Variants in POU2AF3 observed in about 807,000 individuals in gnomAD.
POU2AF3 encodes POU class 2 homeobox associating factor 3, also known as cancer susceptibility candidate 13.
the POU2AF3 span, chr11:111,299,489 A>G: frequency 1.4e-4 from 152 of 1,119,150 alleles, 1 homozygote; most frequent in South Asian, 6.0e-3. Flanking sequence ...CCCTGCTCCC[A>G]GCGCTCAGGG....
chr11:111,299,950 TC>T, the POU2AF3 span: 4 of 403,944 alleles, frequency 9.9e-6, no homozygotes, highest in East Asian at 1.1e-4. Context: ...CACCGCTTGC[TC>T]CCGGGCTGGC....
At chr11:111,306,591 C>A in the POU2AF3 span, 1 of 1,551,752 alleles carries the variant, frequency 6.4e-7, no homozygotes, top group African/African-American at 1.4e-5. Context: ...AGACAGCTTC[C>A]AGGCCACCCC....
the POU2AF3 span, chr11:111,298,727 G>A: frequency 9.1e-7 from 1 of 1,100,406 alleles, no homozygotes. Context: ...GATCCGGAGA[G>A]GACGCGAGCC....
chr11:111,300,142 T>C, the POU2AF3 span: 1 of 355,778 alleles, frequency 2.8e-6, no homozygotes, highest in Non-Finnish European at 5.0e-6. Flanking sequence ...AGGTCCATAA[T>C]ACCCTCTCTC....
the POU2AF3 span, chr11:111,304,928 C>T: frequency 1.7e-3 from 2,119 of 1,232,320 alleles, 3 homozygotes; most frequent in Admixed American, 3.4e-3. Flanking sequence ...GCTTTGACAG[C>T]GGTCCGGAGG....
At chr11:111,308,201 T>C in the POU2AF3 span, 1 of 1,551,908 alleles carries the variant, frequency 6.4e-7, no homozygotes, top group East Asian at 2.4e-5. Context: ...AACCTGTGGC[T>C]ACCCCCCAGA....
At chr11:111,300,632 G>A in the POU2AF3 span, 3 of 1,222,602 alleles carry the variant, frequency 2.5e-6, no homozygotes, top group African/African-American at 4.7e-5. Flanking sequence ...GTAAGCATAA[G>A]CCCTTCCCTC....
chr11:111,302,306 T>C, the POU2AF3 span, among the ~76,000 whole-genome samples: 81 of 152,196 alleles, frequency 5.3e-4, 1 homozygote, highest in Non-Finnish European at 1.1e-3. Context: ...CCTCAACCCC[T>C]TCAGTTCAGA....
chr11:111,301,485 A>G, the POU2AF3 span, among the ~76,000 whole-genome samples: 107,631 of 152,066 alleles, frequency 0.71, 38,308 homozygotes, highest in South Asian at 0.83. Context: ...TCTGCCCCAC[A>G]ACAGTTTTTG....
chr11:111,308,258 T>C, the POU2AF3 span: 2 of 1,551,768 alleles, frequency 1.3e-6, no homozygotes, highest in East Asian at 2.4e-5. Flanking sequence ...GTACAGCTGC[T>C]TCTCCTCGGC....
At chr11:111,299,873 G>T in the POU2AF3 span, 1 of 548,178 alleles carries the variant, frequency 1.8e-6, no homozygotes, top group Non-Finnish European at 2.8e-6. Flanking sequence ...AGTTCCTCGG[G>T]CCTGGCCCCT....
At chr11:111,298,826 G>GCGGGGGGGGGGCCCCC in the POU2AF3 span, 1 of 790,962 alleles carries the variant, frequency 1.3e-6, no homozygotes, top group Non-Finnish European at 1.7e-6. Context: ...CGTACCCCAG[G>GCGGGGGGGGGGCCCCC]CCCCCGCCCG....
the POU2AF3 span, among the ~76,000 whole-genome samples, chr11:111,302,672 T>C: frequency 6.6e-6 from 1 of 152,214 alleles, no homozygotes; most frequent in Non-Finnish European, 1.5e-5. Flanking sequence ...TCTGAACCAG[T>C]GTCTTATAGG....
At chr11:111,299,192 G>T in the POU2AF3 span, 3 of 967,592 alleles carry the variant, frequency 3.1e-6, no homozygotes, top group South Asian at 9.6e-5. Context: ...GCTTGAGGGG[G>T]ATCCCTGCTG....
chr11:111,298,830 C>T, the POU2AF3 span: 5 of 403,094 alleles, frequency 1.2e-5, no homozygotes, highest in South Asian at 1.5e-4. Context: ...CCCCAGGCCC[C>T]CGCCCGCCCT....
At chr11:111,308,297 T>C in the POU2AF3 span, 1 of 1,551,748 alleles carries the variant, frequency 6.4e-7, no homozygotes, top group Non-Finnish European at 8.7e-7. Context: ...CTGCGCATCG[T>C]GTGAGGCAGA....
the POU2AF3 span, chr11:111,308,026 C>CT: frequency 4.3e-5 from 62 of 1,449,738 alleles, no homozygotes; most frequent in Non-Finnish European, 5.4e-5. Context: ...TTGATCCTGT[C>CT]TAAGTTATTA....
At chr11:111,298,826 G>GGGGGGGGGGGCGCC in the POU2AF3 span, 2 of 790,962 alleles carry the variant, frequency 2.5e-6, no homozygotes, top group Non-Finnish European at 3.4e-6. Context: ...CGTACCCCAG[G>GGGGGGGGGGGCGCC]CCCCCGCCCG....
chr11:111,308,470 G>A, the POU2AF3 span: 1 of 1,504,696 alleles, frequency 6.6e-7, no homozygotes, highest in Admixed American at 2.2e-5. Flanking sequence ...CATGGCATGG[G>A]TATATCTATT....
Sources: gnomAD v4.1 joint callset for allele counts (sites outside exome capture counted in the v4.1 genomes callset) on GRCh38, gnomAD v4.1.1 for gene constraint, MANE v1.5 for transcripts, NCBI Gene and HGNC (gene_info 2026-07-23, HGNC 2026-07-21) for gene names.